The following SEPTIN14 variants were observed in gnomAD, a reference collection of about 807,000 sequenced individuals.
SEPTIN14 encodes the protein septin 14.
A neutral mutation model predicts 53.6 loss-of-function variants in SEPTIN14; 40 were observed. The observed-to-expected ratio is 0.75, with a 90% CI of 0.58 to 0.97. SEPTIN14 has a LOEUF of 0.97. SEPTIN14 is among the 50% of genes least tolerant of loss of function. SEPTIN14 has a pLI of 0.00. For synonymous variants in SEPTIN14, 138 were observed against 166.8 expected (o/e 0.83, Z 1.33); for missense variants, 471 against 508.2 (o/e 0.93, Z 0.70).
intron 2 of SEPTIN14, among the ~76,000 whole-genome samples, chr7:55,861,343 A>G (rs965842149): frequency 6.6e-6 from 1 of 152,064 alleles, no homozygotes; most frequent in African/African-American, 2.4e-5. Context: ...ACTAAAAAAA[A>G]ATCCAAAAGT....
chr7:55,835,665 C>T (rs561320781), intron 5 of SEPTIN14, among the ~76,000 whole-genome samples: 2 of 152,074 alleles, frequency 1.3e-5, no homozygotes, highest in East Asian at 1.9e-4. Context: ...TCTCTTGCCC[C>T]GCCTAGATGT....
At chr7:55,830,607 T>C (rs1169886736) in intron 6 of SEPTIN14, among the ~76,000 whole-genome samples, 2 of 151,572 alleles carry the variant, frequency 1.3e-5, no homozygotes, top group Non-Finnish European at 2.9e-5. Flanking sequence ...CCTCCCAAAG[T>C]GCTGAGATTA....
Position 55,805,164 on chromosome 7 carries a change from C to T in SEPTIN14, c.1119+94G>A, listed in dbSNP as rs1788591750. 2.5e-6 allele frequency: 3 copies of T among 1,178,052 alleles called. No homozygotes were observed. In the African/African-American group the frequency reaches 4.7e-5, roughly 18 times the overall value. 73.0% of individuals were successfully genotyped at this position (1,178,052 alleles called of 1,614,324 possible). A position where few individuals can be genotyped will look rare whatever the true frequency, so the allele number is the denominator to read the frequency against. On this transcript the variant is annotated intron_variant, in intron 9 of 9. Transcript: ENST00000388975. ...CTTTTTGAAAAATAGCAAGTATCCT[C>T]CAAAAACATCAAGTAAACTCTTGAG...
At position 55,848,092 on chromosome 7, in the gene SEPTIN14, TA is replaced by T. The variant is rs551135250; in HGVS notation, c.55-1456del. On this transcript the variant is annotated intron_variant, in intron 2 of 9. Transcript: ENST00000388975. ...AGTATATGTGAGAATAAAGGAATTATAAATCAGTAGGAAAGATTTTAAGGTA... is the reference window on the plus strand; with the variant it reads ...AGTATATGTGAGAATAAAGGAATTATAATCAGTAGGAAAGATTTTAAGGTA... Among the ~76,000 whole-genome samples the T allele has an allele frequency of 1.6e-3, 241 of 152,342 alleles. 2 individuals are homozygous for T. Among genetic ancestry groups the T allele is most frequent in the Admixed American group, 2.5e-3 (39 of 15,296 alleles).
intron 2 of SEPTIN14, among the ~76,000 whole-genome samples, chr7:55,857,041 G>A (rs891489207): frequency 4.6e-5 from 7 of 151,648 alleles, no homozygotes; most frequent in Admixed American, 3.9e-4. Flanking sequence ...CTGCACTCCC[G>A]CCTGGGTGAC....
chr7:55,805,457 C>A, intron 8 of SEPTIN14, 67 bp from the exon 9 acceptor site: 1 of 1,205,426 alleles, frequency 8.3e-7, no homozygotes, highest in Non-Finnish European at 1.2e-6. Context: ...ACCCAGGAGG[C>A]GGAGTTTGCA....
At chr7:55,835,489 A>T (rs1789190377) in intron 5 of SEPTIN14, among the ~76,000 whole-genome samples, 1 of 152,186 alleles carries the variant, frequency 6.6e-6, no homozygotes, top group Non-Finnish European at 1.5e-5. Context: ...GGCCTGAGCC[A>T]CCGTGCCTGG....
rs143444947 is a variant in SEPTIN14, at chr7:55,834,254, C to T, written c.720+171G>A. ...ACACTTTCAAGAAGAAAATTATAGG[C>T]CAATATCCTTGAGGAACATGCTGTA... On this transcript the variant is annotated intron_variant, in intron 6 of 9. Transcript: ENST00000388975. Among the ~76,000 whole-genome samples, 80 of 152,232 alleles carry T rather than the reference C, an allele frequency of 5.3e-4. 1 individual carries two copies. Among genetic ancestry groups the T allele is most frequent in the African/African-American group, 1.9e-3 (77 of 41,548 alleles).
intron 6 of SEPTIN14, among the ~76,000 whole-genome samples, chr7:55,830,447 C>T (rs147143835): frequency 2.0e-5 from 3 of 147,258 alleles, no homozygotes; most frequent in East Asian, 2.1e-4. Flanking sequence ...CTCGGGTTCA[C>T]GCCATTCTGC....
intron 2 of SEPTIN14, among the ~76,000 whole-genome samples, chr7:55,853,151 C>T (rs1789548998): frequency 6.6e-6 from 1 of 152,256 alleles, no homozygotes; most frequent in East Asian, 1.9e-4. Context: ...AATAGAACTA[C>T]CTATGATCCA....
intron 6 of SEPTIN14, among the ~76,000 whole-genome samples, chr7:55,824,467 C>T (rs1438105842): frequency 1.3e-5 from 2 of 152,116 alleles, no homozygotes; most frequent in South Asian, 2.1e-4. Flanking sequence ...TTTCCACCCA[C>T]TGAATCTAAA....
At chr7:55,840,482 T>G (rs1789289173) in intron 5 of SEPTIN14, among the ~76,000 whole-genome samples, 1 of 150,476 alleles carries the variant, frequency 6.6e-6, no homozygotes, top group South Asian at 2.1e-4. Context: ...AAAGCGAAAC[T>G]CCGTCTCGAA....
At chr7:55,817,965 G>T (rs1788824049) in intron 7 of SEPTIN14, among the ~76,000 whole-genome samples, 1 of 151,670 alleles carries the variant, frequency 6.6e-6, no homozygotes, top group African/African-American at 2.4e-5. Flanking sequence ...AATTTGTATG[G>T]CTCTCTCCTG....
chr7:55,852,330 G>T (rs571426181), intron 2 of SEPTIN14, among the ~76,000 whole-genome samples: 1 of 152,198 alleles, frequency 6.6e-6, no homozygotes, highest in Non-Finnish European at 1.5e-5. Flanking sequence ...GTACTGGCAT[G>T]AAAACAGACA....
chr7:55,833,718 A>G (rs1334944113), intron 6 of SEPTIN14, among the ~76,000 whole-genome samples: 1 of 152,020 alleles, frequency 6.6e-6, no homozygotes, highest in Admixed American at 6.6e-5. Context: ...AAAAAAGAAA[A>G]CAAAACAAAA....
intron 7 of SEPTIN14, among the ~76,000 whole-genome samples, chr7:55,808,056 G>T (rs1788638538): frequency 6.6e-6 from 1 of 152,120 alleles, no homozygotes; most frequent in South Asian, 2.1e-4. Flanking sequence ...TACAATAATA[G>T]TAAGGGACTT....
intron 9 of SEPTIN14, among the ~76,000 whole-genome samples, chr7:55,801,707 C>T (rs1162536629): frequency 6.6e-6 from 1 of 151,954 alleles, no homozygotes; most frequent in East Asian, 1.9e-4. Flanking sequence ...ATCACTTGAA[C>T]TCAGGAGTTC....
chr7:55,805,440 C>A, intron 8 of SEPTIN14, 50 bp from the exon 9 acceptor site: 2 of 1,411,882 alleles, frequency 1.4e-6, no homozygotes, highest in South Asian at 1.3e-5. Flanking sequence ...GTAGGAGGAT[C>A]GCTTGAACCC....
intron 9 of SEPTIN14, among the ~76,000 whole-genome samples, chr7:55,796,864 C>T (rs1281283563): frequency 6.6e-6 from 1 of 152,044 alleles, no homozygotes; most frequent in African/African-American, 2.4e-5. Flanking sequence ...GTGGCTCACA[C>T]CTGTAATCCC....
Sources: gnomAD v4.1 joint callset for allele counts (sites outside exome capture counted in the v4.1 genomes callset) on GRCh38, gnomAD v4.1.1 for gene constraint, MANE v1.5 for transcripts, NCBI Gene and HGNC (gene_info 2026-07-23, HGNC 2026-07-21) for gene names.